Variants in CELSR1 observed in about 807,000 individuals in gnomAD.
CELSR1 encodes the protein cadherin EGF LAG seven-pass G-type receptor 1, also known as adhesion G protein-coupled receptor C1.
In CELSR1, 110 loss-of-function variants were observed where a neutral mutation model predicts 249.1. The ratio of observed to expected loss-of-function variants is 0.44; its 90% CI spans 0.38 to 0.52. The LOEUF is 0.52. Among genes scored for constraint, CELSR1 ranks in the 20% least tolerant of loss-of-function variants. The pLI is 0.00. For missense variants in CELSR1, 4,109 were observed against 4,296.4 expected (o/e 0.96, Z 1.22); for synonymous variants, 2,113 against 1,900.0 (o/e 1.11, Z -2.92).
intron 1 of CELSR1, among the ~76,000 whole-genome samples, chr22:46,483,418 G>A (rs1160928985): frequency 2.5e-5 from 3 of 119,828 alleles, no homozygotes; most frequent in African/African-American, 3.3e-5. Context: ...TTGAGACAGC[G>A]TCTCGCTCTG....
chr22:46,501,259 T>C (rs989447348), intron 1 of CELSR1, among the ~76,000 whole-genome samples: 5 of 141,300 alleles, frequency 3.5e-5, no homozygotes, highest in Admixed American at 7.7e-5. Context: ...CTGGCTGGAG[T>C]GCAGTGGTGT....
rs138525228 is a variant in CELSR1 at position 46,378,605 on chromosome 22, T to A, written c.7369A>T (p.Ile2457Phe). The A allele has an allele frequency of 1.9e-6, 3 of 1,580,964 alleles. No individual in the cohort carries two copies. Among genetic ancestry groups the A allele is most frequent in the Non-Finnish European group, 2.6e-6 (3 of 1,164,190 alleles). ...AGGATGCCCACCTCACGCCTGGAGA[T>A]ATCCATGAGCACCGCAAAGCTGGCT... ...HTASFAVLMDISRRENGEVLP... is the reference protein window; with the variant it reads ...HTASFAVLMDFSRRENGEVLP... Residue 2457 changes from isoleucine (I) to phenylalanine (F), a missense_variant, in exon 23 of 35, where the codon ATC becomes TTC. Around this residue, in one of 7 missense-constraint regions of CELSR1, gnomAD observed 1,805 missense variants for 1,831.6 expected, o/e 0.99. Transcript: ENST00000674500.
intron 1 of CELSR1, among the ~76,000 whole-genome samples, chr22:46,499,562 T>A (rs1024801752): frequency 2.6e-5 from 4 of 152,180 alleles, no homozygotes; most frequent in Non-Finnish European, 5.9e-5. Flanking sequence ...CAATTGTATA[T>A]ATCTATTTTC....
intron 1 of CELSR1, among the ~76,000 whole-genome samples, chr22:46,503,858 T>G (rs1465394329): frequency 7.1e-6 from 1 of 140,598 alleles, no homozygotes; most frequent in Non-Finnish European, 1.6e-5. Flanking sequence ...CAGCAAGACC[T>G]CTGATAAAAA....
rs2078927522 is a variant in CELSR1, at chr22:46,377,154, G to A, written c.7491C>T (p.Arg2497=). ...FVLLSLVRML[R]SNLHSIHKHL... is the part of the protein sequence containing the mutation. The stretch of plus-strand genomic sequence containing the variant: ...GCTTGTGAATGCTGTGCAGGTTGGA[G>A]CGCAGCATGCGGACCAGGCTCAGGA... The change falls in exon 24 of 35, where the codon CGC becomes CGT. Residue 2497 remains arginine (R), a synonymous_variant. Transcript: ENST00000674500. The A allele has an allele frequency of 6.2e-7, 1 of 1,613,792 alleles. No homozygotes were observed. Among genetic ancestry groups the A allele is most frequent in the East Asian group, 2.2e-5 (1 of 44,878 alleles).
chr22:46,394,747 C>T (rs903353763), intron 13 of CELSR1, among the ~76,000 whole-genome samples: 5 of 152,206 alleles, frequency 3.3e-5, no homozygotes, highest in Non-Finnish European at 7.4e-5. Context: ...TCAGGGCAGC[C>T]ATGCCCTGGT....
intron 2 of CELSR1, among the ~76,000 whole-genome samples, chr22:46,462,142 G>A (rs967258927): frequency 5.3e-5 from 8 of 152,210 alleles, no homozygotes; most frequent in African/African-American, 1.7e-4. Context: ...GCCGAGCCCC[G>A]GTATAGCCAG....
Position 46,381,863 on chromosome 22 carries a change from G to A in CELSR1, c.7071C>T (p.Pro2357=), listed in dbSNP as rs139854790. The A allele has an allele frequency of 6.5e-5, 101 of 1,563,166 alleles. 1 individual carries two copies. In the East Asian group the frequency reaches 1.2e-3, roughly 19 times the overall value. Residue 2357 remains proline, a synonymous_variant, in exon 21 of 35, where the codon CCC becomes CCT. Coordinates refer to ENST00000674500, the MANE Select transcript of CELSR1 (RefSeq NM_001378328.1). The surrounding 1 kb of genome is among the most constrained non-coding windows in gnomAD (Gnocchi z 6.0). ...LGQLLPERYD[P]DRRSLRLPHR... ...GGCCTTACCGGAGGCTGCGACGGTC[G>A]GGGTCGTAGCGCTCGGGCAGGAGCT... is the stretch of plus-strand genomic sequence containing the variant.
At chr22:46,489,149 C>T (rs1344359307) in intron 1 of CELSR1, among the ~76,000 whole-genome samples, 1 of 151,966 alleles carries the variant, frequency 6.6e-6, no homozygotes, top group African/African-American at 2.4e-5. Context: ...GTTTGGAACC[C>T]GGCTTGGGGA....
Position 46,376,906 on chromosome 22 carries a change from T to A in CELSR1, c.7584+155A>T, listed in dbSNP as rs556694884. Among the ~76,000 whole-genome samples the A allele has an allele frequency of 5.9e-5, 9 of 152,084 alleles. No homozygotes were observed. The East Asian group carries it at 1.5e-3, about 26-fold the overall frequency. On this transcript the variant is annotated intron_variant, in intron 24 of 34. Transcript: ENST00000674500. ...GAATCCCACATCTCCACCCACAGCCTGTGACCAGGCACGTTCCTGAAAGGG... is the reference window on the plus strand; with the variant it reads ...GAATCCCACATCTCCACCCACAGCCAGTGACCAGGCACGTTCCTGAAAGGG...
chr22:46,393,464 A>G lies in CELSR1; in HGVS notation c.5964+678T>C, dbSNP rs2079115119. Among the ~76,000 whole-genome samples, 1 of 152,224 alleles carries G rather than the reference A, an allele frequency of 6.6e-6. No individual in the cohort carries two copies. The highest frequency in any genetic ancestry group is 6.5e-5 in the Admixed American group (1 of 15,282). On this transcript the variant is annotated intron_variant, in intron 14 of 34. Coordinates refer to ENST00000674500, the MANE Select transcript of CELSR1 (RefSeq NM_001378328.1). This position sits in a 1 kb window ranked among gnomAD's most constrained non-coding sequence, Gnocchi z 4.1. ...GTAAAGACCAGGAAAATGGCCAGGC[A>G]CGGTGGCTCACGCCTGTAATCCCAG... is the stretch of plus-strand genomic sequence containing the variant.
rs2079341429 is a variant in CELSR1 at position 46,411,889 on chromosome 22, C to T, written c.4612-130G>A. ...CGGCACGTAGACAAGGGATGAGGAG[C>T]CCCCGGCCTTTAGTTCCCCAAACTA... is the stretch of plus-strand genomic sequence containing the variant. On this transcript the variant is annotated intron_variant, in intron 5 of 34. Coordinates refer to ENST00000674500, the MANE Select transcript of CELSR1 (RefSeq NM_001378328.1). This position sits in a 1 kb window ranked among gnomAD's most constrained non-coding sequence, Gnocchi z 4.2. 5 of 1,182,576 alleles carry T rather than the reference C, an allele frequency of 4.2e-6. No individual in the cohort carries two copies. The highest frequency in any genetic ancestry group is 6.0e-6 in the Non-Finnish European group (5 of 827,256). The allele number at this position is 1,182,576 out of a possible 1,614,324, so 73.3% of individuals were successfully genotyped here.
intron 24 of CELSR1, among the ~76,000 whole-genome samples, chr22:46,376,000 T>C (rs144194810): frequency 4.7e-4 from 71 of 152,374 alleles, no homozygotes; most frequent in African/African-American, 1.6e-3. Flanking sequence ...TGCACCACAG[T>C]GGTGAACGTG....
intron 1 of CELSR1, among the ~76,000 whole-genome samples, chr22:46,533,397 G>A (rs2080812265): frequency 1.3e-5 from 2 of 152,388 alleles, no homozygotes; most frequent in South Asian, 2.1e-4. Context: ...GAGAACCGCA[G>A]GCCTGCTCCC....
chr22:46,377,405 T>A, intron 23 of CELSR1, 144 bp from the exon 24 acceptor site: 1 of 885,674 alleles, frequency 1.1e-6, no homozygotes, highest in Non-Finnish European at 1.7e-6. Flanking sequence ...GGCCGAGTGC[T>A]CATGGCTCTG....
chr22:46,450,952 G>A (rs1007888884), intron 2 of CELSR1, among the ~76,000 whole-genome samples: 8 of 152,144 alleles, frequency 5.3e-5, no homozygotes, highest in African/African-American at 1.2e-4. Context: ...ACGCACCTGC[G>A]CAAGGGCGAG....
rs2079153022 is a variant in CELSR1, at chr22:46,396,811, T to C, written c.5702-65A>G. 1 of 1,563,564 alleles carries C rather than the reference T, an allele frequency of 6.4e-7. No homozygotes were observed. Among genetic ancestry groups the C allele is most frequent in the South Asian group, 1.2e-5 (1 of 84,836 alleles). ...ACGAGACCTTCCACGTTAAAATATC[T>C]GGAGCAACCTGTCCCCTCCAGAAGA... On this transcript the variant is annotated intron_variant, in intron 12 of 34. Coordinates refer to ENST00000674500, the MANE Select transcript of CELSR1 (RefSeq NM_001378328.1). The surrounding 1 kb of genome is among the most constrained non-coding windows in gnomAD (Gnocchi z 6.4).
At position 46,375,468 on chromosome 22, in the gene CELSR1, C is replaced by A. The variant is rs375332746; in HGVS notation, c.7584+1593G>T. ...CCCTGGCTTCAGTTCTGGGTCTCCA[C>A]CCCACCTCCCAGGCCTGCGCATTAT... On this transcript the variant is annotated intron_variant, in intron 24 of 34. Transcript: ENST00000674500. 1.2e-4 allele frequency among the ~76,000 whole-genome samples: 19 copies of A among 152,236 alleles called. No homozygotes were observed. In the East Asian group the frequency reaches 2.1e-3, roughly 17 times the overall value.
Position 46,434,145 on chromosome 22 carries a change from T to C in CELSR1, c.4523-664A>G, listed in dbSNP as rs558794445. On this transcript the variant is annotated intron_variant, in intron 4 of 34. Transcript: ENST00000674500. The surrounding 1 kb of genome is among the most constrained non-coding windows in gnomAD (Gnocchi z 4.9). Reference sequence around the variant, plus strand: ...ACCAATTCCACTTTAGGTCACTTAATCAAATAAATGTCATCTCAGGCTTTT... The same window carrying C: ...ACCAATTCCACTTTAGGTCACTTAACCAAATAAATGTCATCTCAGGCTTTT... Among the ~76,000 whole-genome samples the C allele has an allele frequency of 1.1e-4, 17 of 152,332 alleles. No individual in the cohort carries two copies. Among genetic ancestry groups the C allele is most frequent in the Admixed American group, 2.0e-4 (3 of 15,304 alleles).
Sources: gnomAD v4.1 joint callset for allele counts (sites outside exome capture counted in the v4.1 genomes callset) on GRCh38, gnomAD v4.1.1 for gene constraint, gnomAD v4.1.1 regional missense constraint, Gnocchi (gnomAD v3.1) non-coding constraint, MANE v1.5 for transcripts, NCBI Gene and HGNC (gene_info 2026-07-23, HGNC 2026-07-21) for gene names.